ANKRD17: variants seen among roughly 807,000 people sequenced by gnomAD.
The protein encoded by ANKRD17 is ankyrin repeat domain-containing protein 17.
Under a neutral mutation model 229.7 loss-of-function variants are expected in ANKRD17, and 19 were observed. The observed-to-expected ratio is 0.08, with a 90% CI of 0.06 to 0.12. The LOEUF is 0.12. Ranked by LOEUF, ANKRD17 falls within the 10% of genes least tolerant of loss-of-function variation. The pLI is 1.00. For synonymous variants in ANKRD17, 1,112 were observed against 1,146.1 expected, an observed-to-expected ratio of 0.97 and a Z score of 0.60; for missense variants, 2,176 against 3,176.8, an observed-to-expected ratio of 0.68 and a Z score of 7.57.
intron 1 of ANKRD17, among the ~76,000 whole-genome samples, chr4:73,184,007 T>C (rs891405199): frequency 2.6e-5 from 4 of 152,208 alleles, no homozygotes; most frequent in Non-Finnish European, 4.4e-5. Context: ...CTTTTAACAA[T>C]GGTCAGAGCT....
intron 28 of ANKRD17, 68 bp from the exon 29 acceptor site, chr4:73,092,368 A>C (rs899781705): frequency 8.1e-7 from 1 of 1,233,588 alleles, no homozygotes; most frequent in Non-Finnish European, 1.1e-6. Context: ...TGTTTTTAAT[A>C]TGTATTTATG....
intron 30 of ANKRD17, among the ~76,000 whole-genome samples, chr4:73,083,284 T>G (rs1391893645): frequency 6.6e-6 from 1 of 152,248 alleles, no homozygotes; most frequent in Non-Finnish European, 1.5e-5. Flanking sequence ...GAATATGGAC[T>G]GATTAATTCT....
intron 11 of ANKRD17, among the ~76,000 whole-genome samples, chr4:73,143,560 T>C (rs1171853306): frequency 1.3e-5 from 2 of 152,222 alleles, no homozygotes; most frequent in Admixed American, 1.3e-4. Flanking sequence ...TAATGCTATA[T>C]ATTCATAACA....
chr4:73,135,626 T>G (rs950425966), intron 15 of ANKRD17, among the ~76,000 whole-genome samples: 1 of 152,134 alleles, frequency 6.6e-6, no homozygotes, highest in Non-Finnish European at 1.5e-5. Flanking sequence ...AAAGGTAAAA[T>G]AGTCAAGATC....
At chr4:73,152,332 C>T (rs143023991) in intron 6 of ANKRD17, among the ~76,000 whole-genome samples, 224 of 152,024 alleles carry the variant, frequency 1.5e-3, no homozygotes, top group Non-Finnish European at 2.7e-3. Context: ...TAGTATCTGC[C>T]GCGTCTTATA....
At chr4:73,119,612 A>T (rs1000353980) in intron 21 of ANKRD17, among the ~76,000 whole-genome samples, 6 of 152,256 alleles carry the variant, frequency 3.9e-5, no homozygotes, top group African/African-American at 1.4e-4. Flanking sequence ...AACAGCAGTT[A>T]CTGCCAAATA....
At chr4:73,168,438 T>G (rs1289741170) in intron 2 of ANKRD17, among the ~76,000 whole-genome samples, 2 of 151,932 alleles carry the variant, frequency 1.3e-5, no homozygotes, top group Non-Finnish European at 2.9e-5. Flanking sequence ...AAATATTTGA[T>G]TGTGTGTGTG....
In ANKRD17 at chr4:73,121,039, T is replaced by C. The variant is rs546002677; in HGVS notation, c.3691A>G (p.Thr1231Ala). The C allele has an allele frequency of 4.3e-6, 7 of 1,613,926 alleles. No individual in the cohort carries two copies. The South Asian group carries it at 7.7e-5, about 18-fold the overall frequency. Residue 1231 changes from threonine (T) to alanine (A), a missense_variant, in exon 20 of 34, where the codon ACA (threonine) becomes GCA (alanine). Thr to Ala is a moderately conservative substitution (Grantham distance 58). This residue lies in a region of ANKRD17 where 178 missense variants were observed against 421.7 expected (regional missense o/e 0.42). Transcript: ENST00000358602. ...TCTAACAGGAGCTTAACAGCAGCTG[T>C]ATGCCCATTCATAGCTGCTAACATC... ...PLMLAAMNGHTAAVKLLLDMG... is the reference protein window; with the variant it reads ...PLMLAAMNGHAAAVKLLLDMG...
chr4:73,215,980 T>C (rs1485015941), intron 1 of ANKRD17, among the ~76,000 whole-genome samples: 1 of 152,148 alleles, frequency 6.6e-6, no homozygotes, highest in Non-Finnish European at 1.5e-5. Flanking sequence ...GCAGAATGAC[T>C]GCTCAGCCCA....
Position 73,139,564 on chromosome 4 carries a change from T to A in ANKRD17, c.3052A>T (p.Thr1018Ser), listed in dbSNP as rs368684612. Reference sequence around the variant, plus strand: ...ATGTCATCCAGCGTGTCATTGAGGGTCTGAGCAGGGCTGGCTACCATTAAC... The same window carrying A: ...ATGTCATCCAGCGTGTCATTGAGGGACTGAGCAGGGCTGGCTACCATTAAC... Reference protein sequence around the residue: ...QGLMVASPAQTLNDTLDDIMA... With the variant: ...QGLMVASPAQSLNDTLDDIMA... Residue 1018 changes from threonine to serine, a missense_variant, in exon 15 of 34, where the codon ACC becomes TCC. Thr to Ser is a moderately conservative substitution (Grantham distance 58, BLOSUM62 1). Coordinates refer to ENST00000358602, the MANE Select transcript of ANKRD17 (RefSeq NM_032217.5). 1.2e-6 allele frequency: 2 copies of A among 1,613,972 alleles called. No homozygotes were observed. Among genetic ancestry groups the A allele is most frequent in the Non-Finnish European group, 8.5e-7 (1 of 1,179,912 alleles).
chr4:73,205,607 C>T (rs1281203623), intron 1 of ANKRD17, among the ~76,000 whole-genome samples: 1 of 152,126 alleles, frequency 6.6e-6, no homozygotes, highest in Non-Finnish European at 1.5e-5. Flanking sequence ...GGATTAAAGA[C>T]TTAAACATAA....
intron 1 of ANKRD17, among the ~76,000 whole-genome samples, chr4:73,231,077 G>A (rs1328534313): frequency 2.6e-5 from 4 of 151,916 alleles, no homozygotes; most frequent in African/African-American, 9.7e-5. Context: ...TTTCAACCTC[G>A]TCAGCAACAC....
intron 1 of ANKRD17, among the ~76,000 whole-genome samples, chr4:73,257,708 C>G (rs966145914): frequency 3.9e-5 from 6 of 152,166 alleles, no homozygotes. Context: ...AGGATAGTTA[C>G]GAAAAACCCT....
At chr4:73,119,870 G>A (rs909114854) in intron 21 of ANKRD17, among the ~76,000 whole-genome samples, 8 of 152,172 alleles carry the variant, frequency 5.3e-5, no homozygotes, top group Non-Finnish European at 8.8e-5. Context: ...TGTGGGGGAT[G>A]TAAGTATGTC....
intron 29 of ANKRD17, among the ~76,000 whole-genome samples, 154 bp downstream of exon 29, chr4:73,090,512 AC>A (rs1294928924): frequency 1.1e-4 from 16 of 152,244 alleles, no homozygotes; most frequent in Non-Finnish European, 1.9e-4. Flanking sequence ...TAAAAATAAC[AC>A]CATACTAAAC....
At chr4:73,089,045 A>ATTT (rs200390909) in intron 29 of ANKRD17, among the ~76,000 whole-genome samples, 1 of 143,650 alleles carries the variant, frequency 7.0e-6, no homozygotes, top group Non-Finnish European at 1.5e-5. Flanking sequence ...TTCTTTTTAA[A>ATTT]TTTTTTTTTT....
chr4:73,161,375 G>C, intron 2 of ANKRD17, 27 bp from the exon 3 acceptor site: 2 of 1,609,966 alleles, frequency 1.2e-6, no homozygotes, highest in Non-Finnish European at 1.7e-6. Context: ...ACACCAATAT[G>C]GACACACCCA....
intron 6 of ANKRD17, among the ~76,000 whole-genome samples, chr4:73,152,151 TAA>T (rs1260999532): frequency 2.0e-5 from 3 of 152,136 alleles, no homozygotes; most frequent in Non-Finnish European, 2.9e-5. Flanking sequence ...AATTATAATT[TAA>T]AAAAGACTTC....
At chr4:73,162,018 G>A (rs1407214981) in intron 2 of ANKRD17, among the ~76,000 whole-genome samples, 1 of 151,338 alleles carries the variant, frequency 6.6e-6, no homozygotes. Context: ...TGGAATTATA[G>A]GCTCACACCA....
Sources: allele counts gnomAD v4.1 joint callset (sites outside exome capture counted in the v4.1 genomes callset), GRCh38; gene constraint gnomAD v4.1.1; regional missense constraint gnomAD v4.1.1; transcripts MANE v1.5; gene names NCBI Gene and HGNC (gene_info 2026-07-23, HGNC 2026-07-21).